F13A1: variants seen among roughly 807,000 people sequenced by gnomAD.
F13A1 encodes the protein FSF, A subunit.
Under a neutral mutation model 80.1 loss-of-function variants are expected in F13A1, and 47 were observed. The observed-to-expected ratio is 0.59, with a 90% CI of 0.46 to 0.75. F13A1 has a LOEUF of 0.75. Among genes scored for constraint, F13A1 ranks in the 30% least tolerant of loss-of-function variants. The pLI is 0.00. For synonymous variants in F13A1, 349 were observed against 344.9 expected (o/e 1.01, Z -0.13); for missense variants, 817 against 930.4 (o/e 0.88, Z 1.59).
intron 3 of F13A1, among the ~76,000 whole-genome samples, chr6:6,294,771 T>A (rs1318619619): frequency 2.0e-5 from 3 of 151,752 alleles, no homozygotes; most frequent in Non-Finnish European, 4.4e-5. Context: ...TACTTTAAGT[T>A]TTAGGGTACA....
At chr6:6,305,316 T>G in intron 3 of F13A1, 35 bp downstream of exon 3, 3 of 1,611,894 alleles carry the variant, frequency 1.9e-6, no homozygotes, top group Non-Finnish European at 2.5e-6. Context: ...ATGCAACCCA[T>G]GGTGTCAAGA....
chr6:6,303,189 C>A (rs541982063), intron 3 of F13A1, among the ~76,000 whole-genome samples: 1 of 152,094 alleles, frequency 6.6e-6, no homozygotes, highest in South Asian at 2.1e-4. Context: ...TTCTGATAGC[C>A]GCTTCAGAAA....
chr6:6,250,750 C>T lies in F13A1; in HGVS notation c.690+61G>A. On this transcript the variant is annotated intron_variant, in intron 5 of 14. Transcript: ENST00000264870. The surrounding 1 kb of genome is among the most constrained non-coding windows in gnomAD (Gnocchi z 4.2). ...CGATATATGGGATCCTGTAGGGATA[C>T]ATGTGACAAAAAATATGAAGTAAAA... is the stretch of plus-strand genomic sequence containing the variant. 2 of 1,092,740 alleles carry T rather than the reference C, an allele frequency of 1.8e-6. No individual in the cohort carries two copies. Among genetic ancestry groups the T allele is most frequent in the Non-Finnish European group, 2.8e-6 (2 of 707,896 alleles). 67.7% of individuals were successfully genotyped at this position (1,092,740 alleles called of 1,614,324 possible). A position where few individuals can be genotyped will look rare whatever the true frequency, so the allele number is the denominator to read the frequency against.
chr6:6,184,531 C>G (rs925719397), intron 10 of F13A1, among the ~76,000 whole-genome samples: 6 of 152,306 alleles, frequency 3.9e-5, no homozygotes, highest in South Asian at 2.1e-4. Context: ...GCAGCAGATA[C>G]CTGTGGAATA....
intron 6 of F13A1, among the ~76,000 whole-genome samples, chr6:6,245,439 G>A (rs1337896130): frequency 2.6e-5 from 4 of 152,152 alleles, no homozygotes; most frequent in Non-Finnish European, 5.9e-5. Context: ...GGTCAGGCTG[G>A]TCTTGAACTC....
intron 3 of F13A1, among the ~76,000 whole-genome samples, chr6:6,286,659 A>G (rs1208251730): frequency 1.3e-5 from 2 of 152,188 alleles, no homozygotes; most frequent in East Asian, 3.9e-4. Flanking sequence ...TAACACCTAG[A>G]CGTGCATCCA....
At chr6:6,312,878 A>C (rs1389229461) in intron 2 of F13A1, among the ~76,000 whole-genome samples, 1 of 152,070 alleles carries the variant, frequency 6.6e-6, no homozygotes, top group East Asian at 1.9e-4. Flanking sequence ...AGTATTGGGG[A>C]TAGAGGTGAG....
intron 4 of F13A1, among the ~76,000 whole-genome samples, chr6:6,253,201 T>G (rs1757658712): frequency 6.9e-6 from 1 of 145,440 alleles, no homozygotes. Context: ...AAAACTAATA[T>G]GTTGAAAAAG....
intron 12 of F13A1, among the ~76,000 whole-genome samples, chr6:6,171,368 T>C (rs886512287): frequency 2.6e-5 from 4 of 152,216 alleles, no homozygotes; most frequent in Non-Finnish European, 5.9e-5. Context: ...ATGTTGGAAG[T>C]TACCATTTAC....
In F13A1 at chr6:6,315,961, A is replaced by C. The variant is rs183725069; in HGVS notation, c.130+2574T>G. On this transcript the variant is annotated intron_variant, in intron 2 of 14. Coordinates refer to ENST00000264870, the MANE Select transcript of F13A1 (RefSeq NM_000129.4). The stretch of plus-strand genomic sequence containing the variant: ...CCCTTAGTGACTTGGAGAAAACTTG[A>C]TATATAGTGCCAGAAAACCTGCTTT... Among the ~76,000 whole-genome samples, 9 of 150,582 alleles carry C rather than the reference A, an allele frequency of 6.0e-5. No individual in the cohort carries two copies. In the East Asian group the frequency reaches 1.6e-3, roughly 26 times the overall value.
At chr6:6,224,248 A>G (rs1053223781) in intron 7 of F13A1, among the ~76,000 whole-genome samples, 5 of 152,212 alleles carry the variant, frequency 3.3e-5, no homozygotes, top group Non-Finnish European at 1.5e-5. Context: ...AAGTGTATAT[A>G]TTTATAAAAT....
rs1473527937 is a variant in F13A1 at position 6,316,150 on chromosome 6, T to G, written c.130+2385A>C. On this transcript the variant is annotated intron_variant, in intron 2 of 14. Transcript: ENST00000264870. ...ATATATATATATATATATAGTTTTT[T>G]TCCTGTCCTTCTCATCTGGGACTTG... 2.7e-5 allele frequency among the ~76,000 whole-genome samples: 3 copies of G among 111,832 alleles called. No homozygotes were observed. In the East Asian group the frequency reaches 8.5e-4, roughly 32 times the overall value. The allele number at this position is 111,832 out of a possible 152,430, so 73.4% of individuals were successfully genotyped here.
intron 3 of F13A1, among the ~76,000 whole-genome samples, chr6:6,270,362 G>A (rs1188775680): frequency 6.6e-6 from 1 of 152,122 alleles, no homozygotes; most frequent in Non-Finnish European, 1.5e-5. Context: ...TCAACCTTTA[G>A]TTTCCTTAAA....
At chr6:6,247,541 C>T (rs181942436) in intron 6 of F13A1, among the ~76,000 whole-genome samples, 41 of 152,294 alleles carry the variant, frequency 2.7e-4, no homozygotes, top group South Asian at 8.3e-4. Context: ...ATTTAATCCA[C>T]GTCCTATGCC....
At position 6,301,356 on chromosome 6, in the gene F13A1, A is replaced by G. The variant is rs555660734; in HGVS notation, c.319+3995T>C. Among the ~76,000 whole-genome samples the G allele has an allele frequency of 1.2e-4, 18 of 152,300 alleles. No individual in the cohort carries two copies. The South Asian group carries it at 3.5e-3, about 30-fold the overall frequency. ...AGTGTGCTTAATTTCTACACTAAAT[A>G]GTAGAGTGTGGAATTTTGTCACTTG... is the stretch of plus-strand genomic sequence containing the variant. On this transcript the variant is annotated intron_variant, in intron 3 of 14. Coordinates refer to ENST00000264870, the MANE Select transcript of F13A1 (RefSeq NM_000129.4).
At chr6:6,226,011 A>G (rs946155866) in intron 6 of F13A1, among the ~76,000 whole-genome samples, 1 of 152,256 alleles carries the variant, frequency 6.6e-6, no homozygotes, top group South Asian at 2.1e-4. Flanking sequence ...GACTACATTC[A>G]TCTTGTAGCA....
At chr6:6,305,611 A>C in intron 2 of F13A1, 72 bp from the exon 3 acceptor site, 1 of 1,527,834 alleles carries the variant, frequency 6.5e-7, no homozygotes, top group Non-Finnish European at 9.0e-7. Context: ...CTCAAAAACA[A>C]GATTATTTTC....
At chr6:6,313,986 CTTT>C (rs10690734) in intron 2 of F13A1, among the ~76,000 whole-genome samples, 1 of 142,116 alleles carries the variant, frequency 7.0e-6, no homozygotes, top group African/African-American at 2.6e-5. Context: ...TCTCCTTACT[CTTT>C]TTTTTTTTTG....
At chr6:6,252,887 G>T (rs997384218) in intron 4 of F13A1, among the ~76,000 whole-genome samples, 5 of 152,080 alleles carry the variant, frequency 3.3e-5, no homozygotes, top group African/African-American at 7.2e-5. Context: ...GGCAGGGCGT[G>T]GTGGCTCATG....
Sources: allele counts gnomAD v4.1 joint callset (sites outside exome capture counted in the v4.1 genomes callset), GRCh38; gene constraint gnomAD v4.1.1; non-coding constraint Gnocchi (gnomAD v3.1); transcripts MANE v1.5; gene names NCBI Gene and HGNC (gene_info 2026-07-23, HGNC 2026-07-21).